The following AGGF1 variants were observed in gnomAD, a reference collection of about 807,000 sequenced individuals.
AGGF1 encodes angiogenic factor with G-patch and FHA domains 1.
Under a neutral mutation model 86.5 loss-of-function variants are expected in AGGF1, and 56 were observed. That is an observed-to-expected ratio of 0.65 (90% CI 0.52 to 0.81). AGGF1 has a LOEUF of 0.81. Among genes scored for constraint, AGGF1 ranks in the 30% least tolerant of loss-of-function variants. AGGF1 has a pLI of 0.00. For missense variants in AGGF1, 816 were observed against 850.9 expected, an observed-to-expected ratio of 0.96 and a Z score of 0.51; for synonymous variants, 313 against 297.1, an observed-to-expected ratio of 1.05 and a Z score of -0.55.
chr5:77,053,821 A>ATGTGTG (rs1271461040), intron 9 of AGGF1, 144 bp from the exon 10 acceptor site: 1 of 811,382 alleles, frequency 1.2e-6, no homozygotes, highest in Non-Finnish European at 2.0e-6. Flanking sequence ...AAGTGTGTGC[A>ATGTGTG]TGTGTGTATG....
intron 2 of AGGF1, among the ~76,000 whole-genome samples, chr5:77,034,751 C>T (rs1176351282): frequency 6.6e-6 from 1 of 152,210 alleles, no homozygotes; most frequent in Non-Finnish European, 1.5e-5. Context: ...CTAATGTTTT[C>T]AGTGGCACAC....
intron 5 of AGGF1, among the ~76,000 whole-genome samples, chr5:77,042,131 A>G (rs1425574926): frequency 4.6e-5 from 7 of 151,994 alleles, no homozygotes; most frequent in Admixed American, 3.3e-4. Context: ...GGTTGGGGGT[A>G]AGGTCACAGA....
chr5:77,043,647 C>T (rs1356839555), intron 5 of AGGF1, among the ~76,000 whole-genome samples: 2 of 143,710 alleles, frequency 1.4e-5, no homozygotes, highest in Admixed American at 1.4e-4. Context: ...CCACCTCCCT[C>T]CCGGATGGGG....
chr5:77,040,104 G>A (rs927136725), intron 5 of AGGF1, among the ~76,000 whole-genome samples: 4 of 128,478 alleles, frequency 3.1e-5, no homozygotes, highest in African/African-American at 1.1e-4. Context: ...TACTTACTAG[G>A]ACAATTTTTT....
intron 5 of AGGF1, among the ~76,000 whole-genome samples, chr5:77,043,603 A>C (rs1481031216): frequency 4.8e-5 from 3 of 62,288 alleles, no homozygotes; most frequent in South Asian, 7.7e-4. Flanking sequence ...CCCCCCCCGG[A>C]TGGCACGGCT....
chr5:77,042,446 C>G (rs1229113856), intron 5 of AGGF1, among the ~76,000 whole-genome samples: 12 of 94,992 alleles, frequency 1.3e-4, no homozygotes, highest in African/African-American at 4.6e-4. Context: ...GGGGGCTGAC[C>G]CCCCCCACCT....
chr5:77,031,560 A>G (rs1256068169), intron 1 of AGGF1, among the ~76,000 whole-genome samples: 1 of 152,186 alleles, frequency 6.6e-6, no homozygotes, highest in African/African-American at 2.4e-5. Context: ...TTCGTTTCCA[A>G]GATGGTAGGG....
In AGGF1 at chr5:77,063,146, A is replaced by G. The variant is rs1747593945; in HGVS notation, c.2039A>G (p.Lys680Arg). Residue 680 changes from lysine (K) to arginine (R), a missense_variant, in exon 14 of 14, where the codon AAA (lysine) becomes AGA (arginine). Lys to Arg is a conservative substitution (Grantham distance 26, BLOSUM62 2). Coordinates refer to ENST00000312916, the MANE Select transcript of AGGF1 (RefSeq NM_018046.5). ...DVHLLQNKNK[K>R]NWDKARERFT... Reference sequence around the variant, plus strand: ...CACCTTCTCCAAAACAAGAACAAAAAAAACTGGGACAAAGCACGAGAGCGG... The same window carrying G: ...CACCTTCTCCAAAACAAGAACAAAAGAAACTGGGACAAAGCACGAGAGCGG... 1.9e-6 allele frequency: 3 copies of G among 1,614,028 alleles called. No homozygotes were observed. In the South Asian group the frequency reaches 3.3e-5, roughly 18 times the overall value.
chr5:77,039,426 T>C (rs374809044), intron 4 of AGGF1, 105 bp from the exon 5 acceptor site: 6 of 873,548 alleles, frequency 6.9e-6, no homozygotes, highest in East Asian at 2.7e-5. Flanking sequence ...GAAAATACTA[T>C]AGTTGTTCAA....
chr5:77,041,878 C>T (rs1747094432), intron 5 of AGGF1, among the ~76,000 whole-genome samples: 3 of 146,908 alleles, frequency 2.0e-5, no homozygotes, highest in East Asian at 4.0e-4. Context: ...TTGGCAGGGT[C>T]ATGGGACAAT....
rs1554045796 is a variant in AGGF1, at chr5:77,032,270, A to AAC, written c.210+1295_210+1296insCA. ...AATATGGTAAAAAAAAAAAAAAAAA[A>AAC]AAAACAGGGAGAGGTGGCTGGGCGC... On this transcript the variant is annotated intron_variant, in intron 1 of 13. Transcript: ENST00000312916. 7.4e-5 allele frequency among the ~76,000 whole-genome samples: 11 copies of AAC among 149,386 alleles called. No individual in the cohort carries two copies. In the East Asian group the frequency reaches 1.6e-3, roughly 21 times the overall value.
chr5:77,041,584 A>G (rs182464645), intron 5 of AGGF1, among the ~76,000 whole-genome samples: 42 of 148,778 alleles, frequency 2.8e-4, no homozygotes, highest in South Asian at 6.3e-4. Flanking sequence ...AAAAAAAAAA[A>G]AAGAAGAAGG....
intron 11 of AGGF1, among the ~76,000 whole-genome samples, chr5:77,056,462 A>G (rs1013567579): frequency 6.6e-6 from 1 of 151,792 alleles, no homozygotes; most frequent in African/African-American, 2.4e-5. Context: ...TCCTGACCTC[A>G]GGTGATCTGC....
At chr5:77,043,467 C>G (rs868365182) in intron 5 of AGGF1, among the ~76,000 whole-genome samples, 62 of 73,046 alleles carry the variant, frequency 8.5e-4, no homozygotes, top group South Asian at 1.4e-3. Context: ...CCAGACGGGG[C>G]GGTTGGCCGG....
rs779931720 is a variant in AGGF1, at chr5:77,063,540, G to A, written c.*288G>A. On this transcript the variant is annotated 3_prime_UTR_variant, in exon 14 of 14. Coordinates refer to ENST00000312916, the MANE Select transcript of AGGF1 (RefSeq NM_018046.5). ...TTTACAACATCCATATAAGCAACTA[G>A]CCATATAAGCAAAATTCATAGAACT... 2.7e-6 allele frequency: 1 copy of A among 373,738 alleles called. No homozygotes were observed. The highest frequency in any genetic ancestry group is 4.9e-6 in the Non-Finnish European group (1 of 202,874). 23.2% of individuals were successfully genotyped at this position (373,738 alleles called of 1,614,324 possible). A position where few individuals can be genotyped will look rare whatever the true frequency, so the allele number is the denominator to read the frequency against.
chr5:77,045,672 C>T (rs1003417496), intron 5 of AGGF1, among the ~76,000 whole-genome samples: 2 of 152,126 alleles, frequency 1.3e-5, no homozygotes, highest in Admixed American at 6.5e-5. Flanking sequence ...AAATTCATGT[C>T]ATAAGTAAAG....
intron 2 of AGGF1, among the ~76,000 whole-genome samples, chr5:77,034,772 A>G (rs1308714240): frequency 6.6e-6 from 1 of 152,158 alleles, no homozygotes; most frequent in Non-Finnish European, 1.5e-5. Context: ...TCACTGAGTA[A>G]TTTTTGGCAG....
Position 77,055,499 on chromosome 5 carries a change from C to G in AGGF1, c.1634-15C>G. 1 of 1,566,352 alleles carries G rather than the reference C, an allele frequency of 6.4e-7. No homozygotes were observed. Among genetic ancestry groups the G allele is most frequent in the African/African-American group, 1.4e-5 (1 of 73,764 alleles). On this transcript the variant is annotated splice_polypyrimidine_tract_variant and intron_variant, in intron 10 of 13. Transcript: ENST00000312916. ...ATTTAGTGGCTTTTTTTTAACCAAA[C>G]TTTTTTTCTTTCAGTTGGTCCAACA...
chr5:77,060,039 A>G (rs112251066), intron 12 of AGGF1, among the ~76,000 whole-genome samples: 2 of 152,126 alleles, frequency 1.3e-5, no homozygotes, highest in African/African-American at 4.8e-5. Flanking sequence ...ACGGGGTTTC[A>G]CATGTTGTTG....
Sources: allele counts gnomAD v4.1 joint callset (sites outside exome capture counted in the v4.1 genomes callset), GRCh38; gene constraint gnomAD v4.1.1; transcripts MANE v1.5; gene names NCBI Gene and HGNC (gene_info 2026-07-23, HGNC 2026-07-21).